Variants in SLC22A23 observed in about 807,000 individuals in gnomAD.
SLC22A23 encodes ion transporter protein.
Under a neutral mutation model 61.0 loss-of-function variants are expected in SLC22A23, and 26 were observed. That is an observed-to-expected ratio of 0.43 (90% CI 0.31 to 0.59). The LOEUF (loss-of-function observed/expected upper bound fraction) is 0.59, where lower values mean the gene tolerates loss of function less well. Ranked by LOEUF, SLC22A23 falls within the 20% of genes least tolerant of loss-of-function variation. The pLI is 0.11. For missense variants in SLC22A23, 796 were observed against 934.7 expected (o/e 0.85, Z 1.94); for synonymous variants, 430 against 413.9 (o/e 1.04, Z -0.47).
intron 4 of SLC22A23, among the ~76,000 whole-genome samples, chr6:3,301,821 C>T (rs143857603): frequency 8.5e-5 from 13 of 152,308 alleles, no homozygotes; most frequent in African/African-American, 1.7e-4. Context: ...GGGAGAACCG[C>T]GGAGATGTGC....
chr6:3,425,093 A>C (rs1770401782), intron 1 of SLC22A23, among the ~76,000 whole-genome samples: 1 of 152,076 alleles, frequency 6.6e-6, no homozygotes, highest in Non-Finnish European at 1.5e-5. Context: ...TTATTTTTCA[A>C]GTATAATTTA....
At chr6:3,298,512 G>A (rs549485188) in intron 4 of SLC22A23, among the ~76,000 whole-genome samples, 58 of 152,212 alleles carry the variant, frequency 3.8e-4, no homozygotes, top group Non-Finnish European at 6.9e-4. Flanking sequence ...AAGAACAGAG[G>A]ATACTAGAGG....
chr6:3,432,299 A>G, intron 1 of SLC22A23: 1 of 985,456 alleles, frequency 1.0e-6, no homozygotes, highest in Non-Finnish European at 1.2e-6. Context: ...ACAATCACTC[A>G]GGCTTTGAGG....
chr6:3,368,043 A>AATAC (rs1765950916), intron 3 of SLC22A23, among the ~76,000 whole-genome samples: 1 of 152,160 alleles, frequency 6.6e-6, no homozygotes, highest in Admixed American at 6.5e-5. Context: ...AAGGTGACTG[A>AATAC]AGGCAGAGAG....
intron 9 of SLC22A23, among the ~76,000 whole-genome samples, chr6:3,282,081 AC>A (rs1003820380): frequency 1.6e-4 from 25 of 151,980 alleles, no homozygotes; most frequent in African/African-American, 6.0e-4. Context: ...CCCGCTAGCC[AC>A]CCCCTCCCCC....
intron 3 of SLC22A23, among the ~76,000 whole-genome samples, chr6:3,401,717 G>A (rs1401240235): frequency 1.3e-5 from 2 of 152,270 alleles, no homozygotes; most frequent in East Asian, 3.9e-4. Context: ...GTTCCTCCCT[G>A]TCTCTCTCCA....
rs1393932393 is a variant in SLC22A23 at position 3,387,000 on chromosome 6, C to G, written c.913+23188G>C. On this transcript the variant is annotated intron_variant, in intron 3 of 9. Coordinates refer to ENST00000406686, the MANE Select transcript of SLC22A23 (RefSeq NM_015482.2). This position sits in a 1 kb window ranked among gnomAD's most constrained non-coding sequence, Gnocchi z 4.4. ...CTTCCAACCTCACCCAGATTTTCAC[C>G]TTTGTTTCTCAGAAAAACCCTACTA... 2.6e-5 allele frequency among the ~76,000 whole-genome samples: 4 copies of G among 152,246 alleles called. No individual in the cohort carries two copies. The highest frequency in any genetic ancestry group is 2.6e-4 in the Admixed American group (4 of 15,286).
At chr6:3,293,818 G>A (rs1271461837) in intron 5 of SLC22A23, among the ~76,000 whole-genome samples, 1 of 152,242 alleles carries the variant, frequency 6.6e-6, no homozygotes, top group Non-Finnish European at 1.5e-5. Flanking sequence ...AAGGCAGAGT[G>A]AGGCAGGCCA....
intron 3 of SLC22A23, among the ~76,000 whole-genome samples, chr6:3,381,869 C>T (rs376617069): frequency 2.0e-5 from 3 of 152,202 alleles, no homozygotes; most frequent in African/African-American, 7.2e-5. Flanking sequence ...ACACCCCTCA[C>T]AATGATTTTG....
At chr6:3,293,412 C>A (rs957046912) in intron 5 of SLC22A23, among the ~76,000 whole-genome samples, 1 of 152,236 alleles carries the variant, frequency 6.6e-6, no homozygotes, top group African/African-American at 2.4e-5. Flanking sequence ...AGCCCCTCAC[C>A]CCTCCGGGAC....
chr6:3,420,766 T>A (rs9405200), intron 1 of SLC22A23, among the ~76,000 whole-genome samples: 62,275 of 152,026 alleles, frequency 0.41, 13,180 homozygotes, highest in African/African-American at 0.48. Flanking sequence ...TGATTAACCA[T>A]ATATGAAACA....
chr6:3,300,903 G>A (rs751860203), intron 4 of SLC22A23, among the ~76,000 whole-genome samples: 34 of 152,184 alleles, frequency 2.2e-4, no homozygotes, highest in Non-Finnish European at 4.0e-4. Context: ...CTGAGCAGGT[G>A]TGTGGAATGC....
At chr6:3,281,138 C>CCAG (rs1759441620) in intron 9 of SLC22A23, among the ~76,000 whole-genome samples, 1 of 152,226 alleles carries the variant, frequency 6.6e-6, no homozygotes. Context: ...CCCAGCACAG[C>CCAG]CAGCAGCTGC....
intron 1 of SLC22A23, among the ~76,000 whole-genome samples, chr6:3,441,459 C>T (rs1480118384): frequency 6.6e-6 from 1 of 152,162 alleles, no homozygotes; most frequent in Admixed American, 6.5e-5. Flanking sequence ...CTCTAGGCCA[C>T]GTCCTCTCTG....
intron 4 of SLC22A23, among the ~76,000 whole-genome samples, chr6:3,305,277 T>G (rs1170773432): frequency 6.6e-6 from 1 of 152,138 alleles, no homozygotes; most frequent in Admixed American, 6.5e-5. Context: ...ACCCAGGCAG[T>G]CTGATGAGAT....
Position 3,386,433 on chromosome 6 carries a change from T to C in SLC22A23, c.913+23755A>G, listed in dbSNP as rs533314472. Among the ~76,000 whole-genome samples, 1 of 152,270 alleles carries C rather than the reference T, an allele frequency of 6.6e-6. No individual in the cohort carries two copies. Among genetic ancestry groups the C allele is most frequent in the Non-Finnish European group, 1.5e-5 (1 of 68,020 alleles). ...GGTCCCTGGATGTGGCACCAGGAGTTGGTGCTTCTCTTTCCTCCTCAAGAA... is the reference window on the plus strand; with the variant it reads ...GGTCCCTGGATGTGGCACCAGGAGTCGGTGCTTCTCTTTCCTCCTCAAGAA... On this transcript the variant is annotated intron_variant, in intron 3 of 9. Coordinates refer to ENST00000406686, the MANE Select transcript of SLC22A23 (RefSeq NM_015482.2). The surrounding 1 kb of genome is among the most constrained non-coding windows in gnomAD (Gnocchi z 4.4).
At chr6:3,368,074 C>A (rs1158458876) in intron 3 of SLC22A23, among the ~76,000 whole-genome samples, 1 of 152,192 alleles carries the variant, frequency 6.6e-6, no homozygotes, top group Non-Finnish European at 1.5e-5. Flanking sequence ...TGGCCTTGGG[C>A]TGGGAAGTCA....
chr6:3,286,800 C>T lies in SLC22A23; in HGVS notation c.1546+59G>A. On this transcript the variant is annotated intron_variant, in intron 7 of 9. Coordinates refer to ENST00000406686, the MANE Select transcript of SLC22A23 (RefSeq NM_015482.2). This position sits in a 1 kb window ranked among gnomAD's most constrained non-coding sequence, Gnocchi z 4.2. ...GAGTCTTATGCAGCCCTTTCAAATG[C>T]CCTTGGGGATCTGCCAGCTTCCCTC... 1.4e-6 allele frequency: 2 copies of T among 1,421,314 alleles called. No homozygotes were observed. Among genetic ancestry groups the T allele is most frequent in the South Asian group, 1.2e-5 (1 of 81,038 alleles). The allele number at this position is 1,421,314 out of a possible 1,614,324, so 88.0% of individuals were successfully genotyped here.
In SLC22A23 at chr6:3,365,710, T is replaced by C. The variant is rs186517416; in HGVS notation, c.914-41708A>G. On this transcript the variant is annotated intron_variant, in intron 3 of 9. Coordinates refer to ENST00000406686, the MANE Select transcript of SLC22A23 (RefSeq NM_015482.2). ...AAAATATTTTTTTCTGTTGTTCCTATAGACAAGGGCTGAACCATATGTTCA... is the reference window on the plus strand; with the variant it reads ...AAAATATTTTTTTCTGTTGTTCCTACAGACAAGGGCTGAACCATATGTTCA... Among the ~76,000 whole-genome samples, 54 of 152,314 alleles carry C rather than the reference T, an allele frequency of 3.5e-4. No individual in the cohort carries two copies. The East Asian group carries it at 9.8e-3, about 28-fold the overall frequency.
Sources: gnomAD v4.1 joint callset for allele counts (sites outside exome capture counted in the v4.1 genomes callset) on GRCh38, gnomAD v4.1.1 for gene constraint, Gnocchi (gnomAD v3.1) non-coding constraint, MANE v1.5 for transcripts, NCBI Gene and HGNC (gene_info 2026-07-23, HGNC 2026-07-21) for gene names.